Variants in TEAD1 observed in about 807,000 individuals in gnomAD.
TEAD1 encodes TEA domain transcription factor 1.
TEAD1 carries 9 observed loss-of-function variants against 54.9 expected under a neutral mutation model. The ratio of observed to expected loss-of-function variants is 0.16; its 90% CI spans 0.10 to 0.29. TEAD1 has a LOEUF of 0.29. TEAD1 is among the 10% of genes least tolerant of loss of function. The pLI, the probability that TEAD1 is intolerant of heterozygous loss-of-function variation, is 1.00. For missense variants in TEAD1, 387 were observed against 535.9 expected (o/e 0.72, Z 2.74); for synonymous variants, 200 against 187.8 (o/e 1.07, Z -0.53).
At chr11:12,926,870 C>A (rs1401871767) in intron 11 of TEAD1, among the ~76,000 whole-genome samples, 1 of 152,150 alleles carries the variant, frequency 6.6e-6, no homozygotes, top group Non-Finnish European at 1.5e-5. Flanking sequence ...CGCCTGGAAC[C>A]AGATGACCTC....
At chr11:12,847,142 C>A (rs747042076) in intron 3 of TEAD1, among the ~76,000 whole-genome samples, 4 of 152,126 alleles carry the variant, frequency 2.6e-5, no homozygotes, top group Non-Finnish European at 4.4e-5. Context: ...ACAGTCACTG[C>A]GTCCCATGAG....
rs766796889 is a variant in TEAD1, at chr11:12,937,469, T to C, written c.*247T>C. The C allele has an allele frequency of 8.1e-6, 3 of 369,634 alleles. No homozygotes were observed. Among genetic ancestry groups the C allele is most frequent in the Non-Finnish European group, 1.5e-5 (3 of 197,640 alleles). The allele number at this position is 369,634 out of a possible 1,614,324, so 22.9% of individuals were successfully genotyped here. A position where few individuals can be genotyped will look rare whatever the true frequency, so the allele number is the denominator to read the frequency against. On this transcript the variant is annotated 3_prime_UTR_variant, in exon 13 of 13. Coordinates refer to ENST00000527636, the MANE Select transcript of TEAD1 (RefSeq NM_021961.6). Reference sequence around the variant, plus strand: ...AAAGAGAAATTGAGTTGTTTCTCTATGTTCTTCAGATGTGCAGCCCACAAT... The same window carrying C: ...AAAGAGAAATTGAGTTGTTTCTCTACGTTCTTCAGATGTGCAGCCCACAAT...
At chr11:12,712,367 A>G (rs1340567009) in intron 2 of TEAD1, among the ~76,000 whole-genome samples, 2 of 152,058 alleles carry the variant, frequency 1.3e-5, no homozygotes, top group Non-Finnish European at 2.9e-5. Flanking sequence ...AACCACTGAC[A>G]TTTTATGTGC....
chr11:12,687,607 A>G (rs1943360841), intron 2 of TEAD1, among the ~76,000 whole-genome samples: 1 of 152,190 alleles, frequency 6.6e-6, no homozygotes, highest in Non-Finnish European at 1.5e-5. Flanking sequence ...ATAGATTGTG[A>G]CATTGAAACA....
chr11:12,924,949 C>T lies in TEAD1; in HGVS notation c.911C>T (p.Ala304Val). 1 of 1,614,146 alleles carries T rather than the reference C, an allele frequency of 6.2e-7. No individual in the cohort carries two copies. Among genetic ancestry groups the T allele is most frequent in the African/African-American group, 1.3e-5 (1 of 75,036 alleles). The change falls in exon 11 of 13, where the codon GCT becomes GTT. Residue 304 changes from alanine to valine, a missense_variant. Coordinates refer to ENST00000527636, the MANE Select transcript of TEAD1 (RefSeq NM_021961.6). ...TGCAATATTCAAGATGATGCTGGGGCTTTTTATGGTGTAACCAGTCAGTAC... is the reference window on the plus strand; with the variant it reads ...TGCAATATTCAAGATGATGCTGGGGTTTTTTATGGTGTAACCAGTCAGTAC...
At chr11:12,839,908 G>A (rs148012981) in intron 3 of TEAD1, among the ~76,000 whole-genome samples, 1 of 152,108 alleles carries the variant, frequency 6.6e-6, no homozygotes, top group Non-Finnish European at 1.5e-5. Context: ...GGGTGAGAGT[G>A]GGAACAGATG....
At chr11:12,690,233 C>T (rs1943426360) in intron 2 of TEAD1, among the ~76,000 whole-genome samples, 1 of 141,408 alleles carries the variant, frequency 7.1e-6, no homozygotes, top group African/African-American at 2.7e-5. Context: ...CAGAGTGAGA[C>T]TCCGTCTCAA....
chr11:12,821,788 A>T (rs1946550540), intron 3 of TEAD1, among the ~76,000 whole-genome samples: 1 of 152,022 alleles, frequency 6.6e-6, no homozygotes, highest in Admixed American at 6.6e-5. Flanking sequence ...TAGCATTGAT[A>T]TGAATGCTTT....
At chr11:12,838,945 G>A (rs1946966110) in intron 3 of TEAD1, among the ~76,000 whole-genome samples, 1 of 152,182 alleles carries the variant, frequency 6.6e-6, no homozygotes, top group African/African-American at 2.4e-5. Flanking sequence ...CAGAAAATCT[G>A]TGCCGCTCAA....
chr11:12,700,197 A>AAT (rs1943668190), intron 2 of TEAD1, among the ~76,000 whole-genome samples: 1 of 152,214 alleles, frequency 6.6e-6, no homozygotes, highest in Non-Finnish European at 1.5e-5. Context: ...CACCCATTTA[A>AAT]GCCCTTTTGT....
intron 3 of TEAD1, chr11:12,822,792 A>C (rs1162537047): frequency 2.0e-5 from 3 of 152,206 alleles, no homozygotes; most frequent in African/African-American, 7.2e-5. Context: ...ATTAGCATCC[A>C]TATTAGTAAG....
intron 3 of TEAD1, among the ~76,000 whole-genome samples, chr11:12,818,276 C>G (rs1590180987): frequency 1.3e-5 from 2 of 152,208 alleles, no homozygotes; most frequent in African/African-American, 4.8e-5. Flanking sequence ...ATCCCTTTCT[C>G]AAGGTTCTAC....
At chr11:12,880,646 C>T (rs190593018) in intron 6 of TEAD1, among the ~76,000 whole-genome samples, 1 of 152,300 alleles carries the variant, frequency 6.6e-6, no homozygotes, top group East Asian at 1.9e-4. Flanking sequence ...GAATATTATG[C>T]AGGGAATGTT....
intron 3 of TEAD1, among the ~76,000 whole-genome samples, chr11:12,858,583 C>G (rs1045586704): frequency 6.6e-6 from 1 of 152,080 alleles, no homozygotes; most frequent in South Asian, 2.1e-4. Flanking sequence ...ATTTAAAAAG[C>G]AGGTAGTTCT....
At chr11:12,863,558 GT>G (rs1160564648) in intron 4 of TEAD1, among the ~76,000 whole-genome samples, 1 of 152,146 alleles carries the variant, frequency 6.6e-6, no homozygotes, top group Non-Finnish European at 1.5e-5. Flanking sequence ...TAAAAGGACC[GT>G]TTATTATAAA....
chr11:12,797,336 G>A (rs1435124755), intron 3 of TEAD1, among the ~76,000 whole-genome samples: 1 of 152,154 alleles, frequency 6.6e-6, no homozygotes, highest in Non-Finnish European at 1.5e-5. Context: ...TGTGGGGAAG[G>A]GGCTCATTTC....
At chr11:12,875,475 G>T (rs1947836551) in intron 5 of TEAD1, among the ~76,000 whole-genome samples, 1 of 152,150 alleles carries the variant, frequency 6.6e-6, no homozygotes, top group Admixed American at 6.5e-5. Context: ...GCAGACCCTT[G>T]GTTCTGATTT....
chr11:12,816,107 G>T (rs1946409338), intron 3 of TEAD1, among the ~76,000 whole-genome samples: 1 of 152,206 alleles, frequency 6.6e-6, no homozygotes, highest in African/African-American at 2.4e-5. Flanking sequence ...GCAGTCACGG[G>T]GGTGCTGATG....
chr11:12,749,388 A>G (rs1944817015), intron 2 of TEAD1, among the ~76,000 whole-genome samples: 2 of 152,130 alleles, frequency 1.3e-5, no homozygotes, highest in Admixed American at 1.3e-4. Flanking sequence ...TCTTGGAAGG[A>G]AATATATTCC....
Sources: allele counts gnomAD v4.1 joint callset (sites outside exome capture counted in the v4.1 genomes callset), GRCh38; gene constraint gnomAD v4.1.1; transcripts MANE v1.5; gene names NCBI Gene and HGNC (gene_info 2026-07-23, HGNC 2026-07-21).